Variants in THSD7B observed in about 807,000 individuals in gnomAD.
THSD7B encodes thrombospondin type-1 domain-containing protein 7B.
A neutral mutation model predicts 213.6 loss-of-function variants in THSD7B; 138 were observed. The observed-to-expected ratio is 0.65, with a 90% CI of 0.56 to 0.74. THSD7B has a LOEUF of 0.74. Ranked by LOEUF, THSD7B falls within the 30% of genes least tolerant of loss-of-function variation. The pLI, the probability that THSD7B is intolerant of heterozygous loss-of-function variation, is 0.00. For synonymous variants in THSD7B, 742 were observed against 687.0 expected (o/e 1.08, Z -1.25); for missense variants, 1,931 against 1,991.5 (o/e 0.97, Z 0.58).
intron 10 of THSD7B, among the ~76,000 whole-genome samples, chr2:137,261,307 T>C (rs1032914920): frequency 8.5e-5 from 13 of 152,128 alleles, no homozygotes; most frequent in African/African-American, 2.7e-4. Context: ...AAAGGAAGTA[T>C]AGGGGTCATC....
At chr2:137,570,225 G>A (rs937742292) in intron 16 of THSD7B, among the ~76,000 whole-genome samples, 2 of 151,656 alleles carry the variant, frequency 1.3e-5, no homozygotes, top group Non-Finnish European at 2.9e-5. Context: ...AACTCATAAA[G>A]CTTGTTTTAT....
At chr2:137,120,496 A>G (rs1464282161) in intron 5 of THSD7B, among the ~76,000 whole-genome samples, 3 of 149,222 alleles carry the variant, frequency 2.0e-5, no homozygotes, top group Non-Finnish European at 1.5e-5. Flanking sequence ...AAGAGGGAGA[A>G]TGGAGCAGAG....
intron 2 of THSD7B, among the ~76,000 whole-genome samples, chr2:136,897,403 AG>A (rs1683979048): frequency 6.6e-6 from 1 of 151,896 alleles, no homozygotes; most frequent in Non-Finnish European, 1.5e-5. Flanking sequence ...AGACCTTCAC[AG>A]TGAGTGTTAC....
chr2:137,098,057 A>T (rs1251543447), intron 4 of THSD7B, among the ~76,000 whole-genome samples: 2 of 152,124 alleles, frequency 1.3e-5, no homozygotes, highest in African/African-American at 2.4e-5. Context: ...TATATTAGTG[A>T]TTAAAATTCA....
At chr2:137,115,564 C>T (rs949844469) in intron 5 of THSD7B, among the ~76,000 whole-genome samples, 4 of 152,054 alleles carry the variant, frequency 2.6e-5, no homozygotes, top group Non-Finnish European at 5.9e-5. Flanking sequence ...ATAAATGCTA[C>T]AAGCTAAGGG....
chr2:137,656,953 A>T lies in THSD7B; in HGVS notation c.4263A>T (p.Glu1421Asp). ...NQDSCPQQVL[E>D]TRPCTGGKCY... ...ACAGCTGCCCCCAACAGGTTCTAGAAACACGCCCTTGTACAGGTACCAAGA... is the reference window on the plus strand; with the variant it reads ...ACAGCTGCCCCCAACAGGTTCTAGATACACGCCCTTGTACAGGTACCAAGA... Residue 1421 changes from glutamate (E) to aspartate (D), a missense_variant, in exon 23 of 28, where the codon GAA becomes GAT. Coordinates refer to ENST00000409968, the MANE Select transcript of THSD7B (RefSeq NM_001316349.2). The T allele has an allele frequency of 6.2e-7, 1 of 1,614,008 alleles. No individual in the cohort carries two copies. Among genetic ancestry groups the T allele is most frequent in the Non-Finnish European group, 8.5e-7 (1 of 1,179,872 alleles).
chr2:137,057,198 T>C lies in THSD7B; in HGVS notation c.918T>C (p.Cys306=). 6.2e-7 allele frequency: 1 copy of C among 1,613,620 alleles called. No homozygotes were observed. The highest frequency in any genetic ancestry group is 1.3e-5 in the African/African-American group (1 of 75,048). ...EIGYQTRQVS[C]TRSDGQNAML... ...GTTATCAAACCCGGCAGGTTTCGTG[T>C]ACAAGAAGTGATGGACAAAATGCTA... The change falls in exon 3 of 28, where the codon TGT becomes TGC. Residue 306 remains cysteine (C), a synonymous_variant. Transcript: ENST00000409968.
intron 10 of THSD7B, among the ~76,000 whole-genome samples, chr2:137,270,727 G>C (rs1354440214): frequency 6.6e-6 from 1 of 152,140 alleles, no homozygotes; most frequent in African/African-American, 2.4e-5. Context: ...TGGAGGACAG[G>C]AGTGAGGGGT....
intron 7 of THSD7B, among the ~76,000 whole-genome samples, chr2:137,173,656 G>A (rs946704974): frequency 1.2e-4 from 18 of 152,146 alleles, no homozygotes; most frequent in African/African-American, 3.9e-4. Context: ...ATCGTTTGTG[G>A]GGCAATGGCC....
At chr2:137,210,597 T>C (rs1292241381) in intron 7 of THSD7B, among the ~76,000 whole-genome samples, 2 of 152,060 alleles carry the variant, frequency 1.3e-5, no homozygotes, top group Non-Finnish European at 2.9e-5. Context: ...CAAATCTTTA[T>C]AAACTTTGAG....
At chr2:137,391,557 A>G (rs543684448) in intron 12 of THSD7B, among the ~76,000 whole-genome samples, 1 of 151,954 alleles carries the variant, frequency 6.6e-6, no homozygotes, top group Non-Finnish European at 1.5e-5. Flanking sequence ...GCATGGTAGC[A>G]TGTGCCTGTA....
intron 12 of THSD7B, among the ~76,000 whole-genome samples, chr2:137,294,349 G>T (rs1283081975): frequency 6.6e-6 from 1 of 151,926 alleles, no homozygotes; most frequent in East Asian, 1.9e-4. Context: ...TTGGGAGGCC[G>T]AGGCAGGTGG....
chr2:137,244,082 G>A (rs1681970943), intron 10 of THSD7B, among the ~76,000 whole-genome samples: 1 of 152,116 alleles, frequency 6.6e-6, no homozygotes, highest in Non-Finnish European at 1.5e-5. Context: ...TTTCAAAGCA[G>A]GCAAGGATAG....
intron 12 of THSD7B, among the ~76,000 whole-genome samples, chr2:137,308,607 T>C (rs1302102889): frequency 6.6e-6 from 1 of 152,066 alleles, no homozygotes; most frequent in African/African-American, 2.4e-5. Context: ...GTTTATATAA[T>C]TTTTTTCTGT....
chr2:137,655,920 G>A (rs1258591709), intron 22 of THSD7B, among the ~76,000 whole-genome samples: 1 of 152,024 alleles, frequency 6.6e-6, no homozygotes, highest in African/African-American at 2.4e-5. Flanking sequence ...TGTTTTACTT[G>A]GGGTATGTAG....
intron 15 of THSD7B, among the ~76,000 whole-genome samples, chr2:137,473,923 G>A (rs1688143548): frequency 6.6e-6 from 1 of 152,168 alleles, no homozygotes; most frequent in African/African-American, 2.4e-5. Context: ...TCCTGAAAGT[G>A]GGTGAGGAGG....
chr2:137,115,592 G>T (rs1209450566), intron 5 of THSD7B, among the ~76,000 whole-genome samples: 2 of 152,124 alleles, frequency 1.3e-5, no homozygotes, highest in Non-Finnish European at 2.9e-5. Context: ...TGCCAGGAAT[G>T]AATCAGTAAT....
intron 1 of THSD7B, among the ~76,000 whole-genome samples, chr2:136,810,372 T>G (rs1340005586): frequency 6.6e-6 from 1 of 152,204 alleles, no homozygotes; most frequent in Non-Finnish European, 1.5e-5. Context: ...TTAAAATGTC[T>G]CTATACGACT....
rs540206821 is a variant in THSD7B at position 136,918,449 on chromosome 2, T to G, written c.139+36132T>G. On this transcript the variant is annotated intron_variant, in intron 2 of 27. Transcript: ENST00000409968. The stretch of plus-strand genomic sequence containing the variant: ...TGCCAAATATAGTTGCTACGTTATA[T>G]CTATTCTTCCCTTTGCCTGGATAAG... 4.2e-4 allele frequency among the ~76,000 whole-genome samples: 64 copies of G among 152,354 alleles called. 1 individual carries two copies. In the South Asian group the frequency reaches 0.013, roughly 31 times the overall value.
Sources: gnomAD v4.1 joint callset for allele counts (sites outside exome capture counted in the v4.1 genomes callset) on GRCh38, gnomAD v4.1.1 for gene constraint, MANE v1.5 for transcripts, NCBI Gene and HGNC (gene_info 2026-07-23, HGNC 2026-07-21) for gene names.